Variants in SH3YL1 observed in about 807,000 individuals in gnomAD.
The protein encoded by SH3YL1 is SH3 domain-containing YSC84-like protein 1.
SH3YL1 carries 41 observed loss-of-function variants against 45.8 expected under a neutral mutation model. That is an observed-to-expected ratio of 0.89 (90% CI 0.70 to 1.16). SH3YL1 has a LOEUF of 1.16. Among genes scored for constraint, SH3YL1 ranks in the 50% most tolerant of loss-of-function variants. SH3YL1 has a pLI of 0.00. For synonymous variants in SH3YL1, 152 were observed against 151.4 expected (o/e 1.00, Z -0.03); for missense variants, 389 against 409.6 (o/e 0.95, Z 0.43).
chr2:227,205 G>A (rs1158108357), intron 8 of SH3YL1, among the ~76,000 whole-genome samples: 3 of 152,050 alleles, frequency 2.0e-5, no homozygotes, highest in Admixed American at 1.3e-4. Flanking sequence ...ATGTTACGGT[G>A]GGGAAATGGT....
chr2:247,898 A>C (rs761638535), intron 3 of SH3YL1, among the ~76,000 whole-genome samples: 1 of 152,220 alleles, frequency 6.6e-6, no homozygotes, highest in African/African-American at 2.4e-5. Context: ...ACCATTAGCC[A>C]TACAGAGCAC....
rs938237549 is a variant in SH3YL1, at chr2:262,748, T to C, written c.1+1236A>G. 12 of 1,204,652 alleles carry C rather than the reference T, an allele frequency of 1.0e-5. No homozygotes were observed. The Admixed American group carries it at 3.8e-4, about 38-fold the overall frequency. The allele number at this position is 1,204,652 out of a possible 1,614,324, so 74.6% of individuals were successfully genotyped here. A position where few individuals can be genotyped will look rare whatever the true frequency, so the allele number is the denominator to read the frequency against. Reference sequence around the variant, plus strand: ...TTTGTGTTGACATGCCAGATCCTTATTTCTGCGGAATGAGAAATCTCTTGA... The same window carrying C: ...TTTGTGTTGACATGCCAGATCCTTACTTCTGCGGAATGAGAAATCTCTTGA... On this transcript the variant is annotated intron_variant, in intron 1 of 9. Transcript: ENST00000356150.
chr2:235,350 G>C (rs1487907256), intron 4 of SH3YL1, among the ~76,000 whole-genome samples: 2 of 151,470 alleles, frequency 1.3e-5, no homozygotes, highest in Non-Finnish European at 2.9e-5. Flanking sequence ...CATGGGTCAG[G>C]GGAGGCAGCA....
intron 4 of SH3YL1, among the ~76,000 whole-genome samples, chr2:238,308 G>T (rs12714400): frequency 0.3 from 45,279 of 148,532 alleles, 7,477 homozygotes; most frequent in East Asian, 0.59. Context: ...TGTGTGGCAT[G>T]GCCAGTCTCA....
chr2:264,198 C>A, upstream of SH3YL1: 1 of 559,076 alleles, frequency 1.8e-6, no homozygotes, highest in Admixed American at 4.2e-5. Flanking sequence ...GACTTCGGAA[C>A]CGCCCCGTCC....
At chr2:251,228 T>C (rs1669060224) in intron 2 of SH3YL1, among the ~76,000 whole-genome samples, 1 of 152,256 alleles carries the variant, frequency 6.6e-6, no homozygotes, top group African/African-American at 2.4e-5. Flanking sequence ...TAGATTTAAT[T>C]GCTAAATTAA....
chr2:238,261 G>T lies in SH3YL1; in HGVS notation c.292-3989C>A, dbSNP rs1668392473. On this transcript the variant is annotated intron_variant, in intron 4 of 9. Coordinates refer to ENST00000356150, the MANE Select transcript of SH3YL1 (RefSeq NM_015677.4). ...GGAATAAACCTTTTCCTCCCTCCTTGTGTGTGTGTGTGTGTGTGTGTGTGT... is the reference window on the plus strand; with the variant it reads ...GGAATAAACCTTTTCCTCCCTCCTTTTGTGTGTGTGTGTGTGTGTGTGTGT... Among the ~76,000 whole-genome samples the T allele has an allele frequency of 5.0e-4, 4 of 7,986 alleles. No homozygotes were observed. The Admixed American group carries it at 5.7e-3, about 11-fold the overall frequency. 5.2% of individuals were successfully genotyped at this position (7,986 alleles called of 152,430 possible). A position where few individuals can be genotyped will look rare whatever the true frequency, so the allele number is the denominator to read the frequency against.
At chr2:231,829 T>G (rs1207640790) in intron 6 of SH3YL1, among the ~76,000 whole-genome samples, 1 of 152,228 alleles carries the variant, frequency 6.6e-6, no homozygotes, top group East Asian at 1.9e-4. Context: ...ACTTTTGATT[T>G]TATAAGATGA....
chr2:233,312 T>A, intron 5 of SH3YL1, 83 bp from the exon 6 acceptor site: 1 of 1,308,982 alleles, frequency 7.6e-7, no homozygotes, highest in Non-Finnish European at 1.0e-6. Flanking sequence ...TCCTTCTAGC[T>A]CAAATGAATT....
rs1415033785 is a variant in SH3YL1 at position 262,433 on chromosome 2, G to C, written c.1+1551C>G. Reference sequence around the variant, plus strand: ...CTTTCTCTGCTCCCTCGGGAGACAGGAAAGCCCTTTATTTATTCCTGCCCT... The same window carrying C: ...CTTTCTCTGCTCCCTCGGGAGACAGCAAAGCCCTTTATTTATTCCTGCCCT... On this transcript the variant is annotated intron_variant, in intron 1 of 9. Transcript: ENST00000356150. 7.5e-6 allele frequency: 3 copies of C among 399,410 alleles called. No individual in the cohort carries two copies. The East Asian group carries it at 2.6e-4, about 35-fold the overall frequency. The allele number at this position is 399,410 out of a possible 1,614,324, so 24.7% of individuals were successfully genotyped here.
intron 4 of SH3YL1, among the ~76,000 whole-genome samples, chr2:238,259 TTGTGTGTGTGTGTGTG>T (rs3842546): frequency 4.2e-4 from 59 of 141,948 alleles, no homozygotes; most frequent in African/African-American, 7.7e-4. Context: ...TCCTCCCTCC[TTGTGTGTGTGTGTGTG>T]TGTGTGTGTG....
chr2:226,074 C>A (rs770559864), intron 8 of SH3YL1, among the ~76,000 whole-genome samples: 1 of 151,856 alleles, frequency 6.6e-6, no homozygotes. Flanking sequence ...GACTAAGTAT[C>A]CAGTAAATGC....
intron 8 of SH3YL1, among the ~76,000 whole-genome samples, chr2:227,871 G>A (rs1398066355): frequency 1.4e-5 from 2 of 143,854 alleles, no homozygotes; most frequent in Non-Finnish European, 3.1e-5. Context: ...ATGAGCATAC[G>A]TGCATTTCCA....
chr2:239,428 G>A (rs962890520), intron 4 of SH3YL1: 2 of 152,158 alleles, frequency 1.3e-5, no homozygotes, highest in African/African-American at 4.8e-5. Context: ...TGGAAGGTAC[G>A]GGAGATGTCC....
chr2:233,455 G>T (rs1209768176), intron 5 of SH3YL1, among the ~76,000 whole-genome samples: 2 of 152,164 alleles, frequency 1.3e-5, no homozygotes, highest in Non-Finnish European at 1.5e-5. Context: ...GAAGGCTCTG[G>T]TAACATAGAA....
chr2:249,589 C>T (rs187278664), intron 3 of SH3YL1, 142 bp downstream of exon 3: 10 of 597,412 alleles, frequency 1.7e-5, no homozygotes, highest in East Asian at 3.0e-5. Flanking sequence ...CCAAACTGCA[C>T]GTTCAGTCGA....
At chr2:229,851 T>A in intron 8 of SH3YL1, 115 bp downstream of exon 8, 1 of 745,890 alleles carries the variant, frequency 1.3e-6, no homozygotes, top group Non-Finnish European at 2.2e-6. Flanking sequence ...TACTCTTAAA[T>A]ATGTTAGTTC....
intron 6 of SH3YL1, among the ~76,000 whole-genome samples, chr2:232,142 T>C (rs1572150192): frequency 6.6e-6 from 1 of 152,340 alleles, no homozygotes; most frequent in East Asian, 1.9e-4. Flanking sequence ...TAGTGGCAAT[T>C]TGTAAGAGCC....
chr2:242,356 AATATGT>A (rs745417885), intron 4 of SH3YL1, among the ~76,000 whole-genome samples: 85 of 152,210 alleles, frequency 5.6e-4, no homozygotes, highest in Non-Finnish European at 1.1e-3. Flanking sequence ...ATATAGATTT[AATATGT>A]ATAACAGTAA....
Sources: allele counts gnomAD v4.1 joint callset (sites outside exome capture counted in the v4.1 genomes callset), GRCh38; gene constraint gnomAD v4.1.1; transcripts MANE v1.5; gene names NCBI Gene and HGNC (gene_info 2026-07-23, HGNC 2026-07-21).